EYS: variants seen among roughly 807,000 people sequenced by gnomAD.
EYS encodes protein eyes shut homolog.
In EYS, 250 loss-of-function variants were observed where a neutral mutation model predicts 282.1. The ratio of observed to expected loss-of-function variants is 0.89; its 90% CI spans 0.80 to 0.98. EYS has a LOEUF of 0.98. Among genes scored for constraint, EYS ranks in the 50% least tolerant of loss-of-function variants. The probability of loss-of-function intolerance (pLI) is 0.00; values close to 1 mark genes in which losing one functional copy is unlikely to be tolerated. For synonymous variants in EYS, 1,355 were observed against 1,282.9 expected (o/e 1.06, Z -1.20); for missense variants, 4,016 against 3,709.0 (o/e 1.08, Z -2.15).
intron 27 of EYS, among the ~76,000 whole-genome samples, chr6:64,437,853 G>A (rs933367720): frequency 1.3e-4 from 20 of 150,782 alleles, no homozygotes; most frequent in Admixed American, 9.3e-4. Flanking sequence ...TCAAACTAAG[G>A]GAATTTGCCT....
intron 31 of EYS, among the ~76,000 whole-genome samples, chr6:64,117,526 A>G (rs1372117691): frequency 6.6e-6 from 1 of 151,848 alleles, no homozygotes; most frequent in African/African-American, 2.4e-5. Flanking sequence ...ATGAAAAAAT[A>G]CATTACAATA....
At chr6:63,781,621 G>T (rs996153311) in intron 39 of EYS, among the ~76,000 whole-genome samples, 2 of 152,190 alleles carry the variant, frequency 1.3e-5, no homozygotes, top group Non-Finnish European at 2.9e-5. Flanking sequence ...CTTTGCTGAA[G>T]TTGCTTATCA....
intron 16 of EYS, among the ~76,000 whole-genome samples, chr6:64,907,615 A>G (rs929904346): frequency 3.9e-5 from 6 of 152,194 alleles, no homozygotes; most frequent in African/African-American, 1.4e-4. Flanking sequence ...CTTCTATCCT[A>G]CTATATACAG....
intron 29 of EYS, among the ~76,000 whole-genome samples, chr6:64,346,621 G>T (rs936929292): frequency 5.3e-5 from 8 of 151,744 alleles, no homozygotes; most frequent in African/African-American, 1.9e-4. Flanking sequence ...GTTAATGGGT[G>T]CAGTACACCA....
intron 22 of EYS, among the ~76,000 whole-genome samples, chr6:64,675,435 T>C (rs530590082): frequency 2.1e-5 from 3 of 142,756 alleles, no homozygotes; most frequent in East Asian, 2.0e-4. Flanking sequence ...TTTCTTTTTT[T>C]TTTTTTTTTT....
chr6:65,156,102 G>C (rs976189725), intron 12 of EYS, among the ~76,000 whole-genome samples: 1 of 151,220 alleles, frequency 6.6e-6, no homozygotes, highest in African/African-American at 2.4e-5. Flanking sequence ...AGGAAGGAGA[G>C]ATAATAGAAA....
intron 7 of EYS, among the ~76,000 whole-genome samples, chr6:65,392,927 G>A (rs1766107988): frequency 6.6e-6 from 1 of 152,272 alleles, no homozygotes; most frequent in South Asian, 2.1e-4. Flanking sequence ...TAACCCAAAT[G>A]TCCAACAATG....
At chr6:65,033,574 G>A (rs578249373) in intron 13 of EYS, among the ~76,000 whole-genome samples, 2 of 152,252 alleles carry the variant, frequency 1.3e-5, no homozygotes, top group South Asian at 2.1e-4. Flanking sequence ...TCTGGAGAAT[G>A]CAAGTCAAAA....
intron 22 of EYS, among the ~76,000 whole-genome samples, chr6:64,729,571 C>T (rs577025679): frequency 9.9e-5 from 15 of 152,156 alleles, no homozygotes; most frequent in East Asian, 9.7e-4. Flanking sequence ...AGCCTAATTG[C>T]GCCAAATCTA....
At chr6:63,949,228 C>T (rs893230569) in intron 35 of EYS, among the ~76,000 whole-genome samples, 7 of 152,124 alleles carry the variant, frequency 4.6e-5, no homozygotes, top group African/African-American at 1.7e-4. Flanking sequence ...CTGTTATTCC[C>T]CACTCCCTTT....
At chr6:64,378,698 T>C (rs1355078698) in intron 29 of EYS, among the ~76,000 whole-genome samples, 1 of 152,158 alleles carries the variant, frequency 6.6e-6, no homozygotes. Context: ...CAAGCATAAA[T>C]GGCTTGTCCA....
intron 12 of EYS, among the ~76,000 whole-genome samples, chr6:65,238,639 C>T (rs1399138310): frequency 6.6e-6 from 1 of 151,960 alleles, no homozygotes; most frequent in Admixed American, 6.6e-5. Flanking sequence ...GTTGTTATTG[C>T]TATTATGACT....
intron 12 of EYS, among the ~76,000 whole-genome samples, chr6:65,090,830 A>AT (rs1194356844): frequency 1.3e-5 from 2 of 152,068 alleles, no homozygotes; most frequent in African/African-American, 4.8e-5. Context: ...TTACTTTGAC[A>AT]TCCCTACACT....
intron 5 of EYS, among the ~76,000 whole-genome samples, chr6:65,417,814 T>C (rs996198575): frequency 2.6e-5 from 4 of 152,016 alleles, no homozygotes; most frequent in African/African-American, 9.7e-5. Flanking sequence ...ACATTCCATC[T>C]CTACATTATT....
intron 19 of EYS, among the ~76,000 whole-genome samples, chr6:64,875,162 G>C (rs1766706529): frequency 6.6e-6 from 1 of 151,988 alleles, no homozygotes; most frequent in Admixed American, 6.6e-5. Context: ...CAAGAAGCCA[G>C]TTGTGTATAT....
chr6:65,521,007 G>A (rs915718085), intron 2 of EYS, among the ~76,000 whole-genome samples: 2 of 152,066 alleles, frequency 1.3e-5, no homozygotes, highest in Non-Finnish European at 1.5e-5. Context: ...AGGCTCACAT[G>A]TTCCAATTTG....
At chr6:65,674,464 AAAAAAAAAAAAAAGCAGC>A (rs1768506740) in intron 1 of EYS, among the ~76,000 whole-genome samples, 1 of 149,626 alleles carries the variant, frequency 6.7e-6, no homozygotes, top group Non-Finnish European at 1.5e-5. Context: ...AAAAAAAAAA[AAAAAAAAAAAAAAGCAGC>A]ACAATAAAAG....
intron 14 of EYS, among the ~76,000 whole-genome samples, chr6:64,978,416 G>T (rs72875936): frequency 2.0e-5 from 3 of 151,804 alleles, no homozygotes; most frequent in African/African-American, 7.2e-5. Flanking sequence ...GAAAAGATTC[G>T]TTTCAAAATA....
intron 22 of EYS, among the ~76,000 whole-genome samples, chr6:64,753,294 G>A (rs1772824018): frequency 1.3e-5 from 2 of 151,958 alleles, no homozygotes; most frequent in African/African-American, 2.4e-5. Flanking sequence ...ATAGAGATTG[G>A]TGTAATGGAA....
Sources: allele counts gnomAD v4.1 joint callset (sites outside exome capture counted in the v4.1 genomes callset), GRCh38; gene constraint gnomAD v4.1.1; transcripts MANE v1.5; gene names NCBI Gene and HGNC (gene_info 2026-07-23, HGNC 2026-07-21).